The following BTBD16 variants were observed in gnomAD, a reference collection of about 807,000 sequenced individuals.
BTBD16 encodes the protein BTB domain containing 16, also known as BTB/POZ domain-containing protein 16.
BTBD16 carries 66 observed loss-of-function variants against 67.4 expected under a neutral mutation model. The ratio of observed to expected loss-of-function variants is 0.98; its 90% confidence interval spans 0.80 to 1.20. The LOEUF (loss-of-function observed/expected upper bound fraction) is 1.20. BTBD16 is among the 50% of genes most tolerant of loss of function. The probability of loss-of-function intolerance (pLI) is 0.00; values close to 1 mark genes in which losing one functional copy is unlikely to be tolerated. For synonymous variants in BTBD16, 242 were observed against 236.4 expected (o/e 1.02, Z -0.22); for missense variants, 634 against 616.0 (o/e 1.03, Z -0.31).
chr10:122,328,454 C>T (rs2096449169), intron 10 of BTBD16, among the ~76,000 whole-genome samples: 1 of 152,196 alleles, frequency 6.6e-6, no homozygotes, highest in Non-Finnish European at 1.5e-5. Context: ...CTTCTGGGAT[C>T]ACTGGCGTGG....
intron 15 of BTBD16, among the ~76,000 whole-genome samples, chr10:122,337,595 G>T (rs1174102228): frequency 6.6e-6 from 1 of 152,164 alleles, no homozygotes; most frequent in Non-Finnish European, 1.5e-5. Context: ...CTCCTGATTA[G>T]CTGGGACTAC....
At chr10:122,330,558 G>A (rs2096453490) in intron 11 of BTBD16, among the ~76,000 whole-genome samples, 1 of 152,136 alleles carries the variant, frequency 6.6e-6, no homozygotes, top group African/African-American at 2.4e-5. Flanking sequence ...CTTCTTGCAG[G>A]ATTGTTAAGA....
chr10:122,274,016 G>A (rs538790309), intron 1 of BTBD16, among the ~76,000 whole-genome samples: 110 of 152,346 alleles, frequency 7.2e-4, no homozygotes, highest in African/African-American at 2.5e-3. Flanking sequence ...ATGCTTGTTG[G>A]TGAATGGATG....
chr10:122,328,815 A>C, intron 10 of BTBD16: 3 of 985,408 alleles, frequency 3.0e-6, no homozygotes, highest in Non-Finnish European at 3.6e-6. Context: ...CTCAAAAAGA[A>C]CTGGATCTTC....
intron 6 of BTBD16, among the ~76,000 whole-genome samples, chr10:122,290,537 G>T (rs747394968): frequency 6.6e-6 from 1 of 152,160 alleles, no homozygotes; most frequent in Non-Finnish European, 1.5e-5. Context: ...TTCAGCACTC[G>T]TTGGGCCATT....
In BTBD16 at chr10:122,286,158, T is replaced by C. The variant is rs758116503; in HGVS notation, c.295T>C (p.Phe99Leu). The stretch of plus-strand genomic sequence containing the variant: ...ATGGGAGCTCCATCAGCCCCAGCTT[T>C]TTCAGTCTGAGACCTTGGCCAAGCT... Reference protein sequence around the residue: ...FKWELHQPQLFQSETLAKLYL... With the variant: ...FKWELHQPQLLQSETLAKLYL... Residue 99 changes from phenylalanine (F) to leucine (L), a missense_variant, in exon 5 of 16, where the codon TTT becomes CTT. By Grantham distance (22) the Phe-to-Leu change is conservative. Coordinates refer to ENST00000260723, the MANE Select transcript of BTBD16 (RefSeq NM_144587.5). 2.5e-6 allele frequency: 4 copies of C among 1,613,996 alleles called. No individual in the cohort carries two copies. The Admixed American group carries it at 6.7e-5, about 27-fold the overall frequency.
chr10:122,271,682 C>A (rs2096328935), intron 1 of BTBD16, among the ~76,000 whole-genome samples, 168 bp downstream of exon 1: 1 of 152,180 alleles, frequency 6.6e-6, no homozygotes, highest in African/African-American at 2.4e-5. Flanking sequence ...GCTGAGAGAC[C>A]ATTGTAGGTA....
intron 11 of BTBD16, 38 bp from the exon 12 acceptor site, chr10:122,331,138 A>C (rs1373980214): frequency 6.2e-7 from 1 of 1,601,578 alleles, no homozygotes; most frequent in Non-Finnish European, 8.5e-7. Flanking sequence ...TCTGGTGTGA[A>C]TAAAACTAAA....
intron 14 of BTBD16, among the ~76,000 whole-genome samples, chr10:122,335,388 G>A (rs531163463): frequency 2.0e-5 from 3 of 152,374 alleles, no homozygotes; most frequent in Admixed American, 6.5e-5. Context: ...AAAGCAGGCT[G>A]TGGGCAGGAC....
intron 3 of BTBD16, among the ~76,000 whole-genome samples, chr10:122,279,495 GAGAC>G (rs1005029337): frequency 1.9e-5 from 2 of 104,166 alleles, no homozygotes; most frequent in East Asian, 3.0e-4. Flanking sequence ...AAATAAAAAA[GAGAC>G]AGAGAAAGAG....
intron 5 of BTBD16, among the ~76,000 whole-genome samples, chr10:122,286,961 C>T (rs2096364993): frequency 6.6e-6 from 1 of 152,146 alleles, no homozygotes. Context: ...CCAAAGCCAG[C>T]CAGCATACCA....
chr10:122,308,709 C>T (rs923231566), intron 10 of BTBD16, among the ~76,000 whole-genome samples: 1 of 152,050 alleles, frequency 6.6e-6, no homozygotes, highest in Non-Finnish European at 1.5e-5. Context: ...CTCCCCTGCA[C>T]ACTGTCCAGG....
At position 122,335,092 on chromosome 10, in the gene BTBD16, ATGTAT is replaced by A. The variant is rs2096461480; in HGVS notation, c.1263+118_1263+122del. On this transcript the variant is annotated intron_variant, in intron 14 of 15. Transcript: ENST00000260723. Reference sequence around the variant, plus strand: ...ATCATTAATTACTCATTGACATGAAATGTATTGTAAGTGCTAACCACGCTCATGTA... The same window carrying A: ...ATCATTAATTACTCATTGACATGAAATGTAAGTGCTAACCACGCTCATGTA... 7 of 608,352 alleles carry A rather than the reference ATGTAT, an allele frequency of 1.2e-5. 1 individual carries two copies. The highest frequency in any genetic ancestry group is 7.3e-4 in the Middle Eastern group (2 of 2,748). The allele number at this position is 608,352 out of a possible 1,614,324, so 37.7% of individuals were successfully genotyped here.
chr10:122,333,595 T>G (rs2096458408), intron 13 of BTBD16, among the ~76,000 whole-genome samples: 2 of 152,078 alleles, frequency 1.3e-5, no homozygotes, highest in Admixed American at 1.3e-4. Context: ...AATGTTGGGG[T>G]GAGGCATGGT....
chr10:122,284,503 T>C (rs1017685362), intron 4 of BTBD16, among the ~76,000 whole-genome samples: 1 of 151,868 alleles, frequency 6.6e-6, no homozygotes, highest in African/African-American at 2.4e-5. Flanking sequence ...GCAGCAAGCA[T>C]AAAGCAGCTG....
intron 10 of BTBD16, 124 bp from the exon 11 acceptor site, chr10:122,329,356 G>A (rs978552983): frequency 9.7e-6 from 8 of 821,834 alleles, no homozygotes; most frequent in East Asian, 2.5e-5. Context: ...CAGAGGGACC[G>A]AGGCCCCATC....
intron 10 of BTBD16, among the ~76,000 whole-genome samples, chr10:122,323,701 C>T (rs2096439339): frequency 6.6e-6 from 1 of 152,154 alleles, no homozygotes; most frequent in African/African-American, 2.4e-5. Context: ...GTAAATTACT[C>T]ACTTTACTAA....
At chr10:122,275,514 C>T (rs1374597220) in intron 2 of BTBD16, among the ~76,000 whole-genome samples, 3 of 152,178 alleles carry the variant, frequency 2.0e-5, no homozygotes, top group Non-Finnish European at 4.4e-5. Context: ...TTACCGTCAC[C>T]ACCACCACCC....
intron 10 of BTBD16, 27 bp downstream of exon 10, chr10:122,307,335 A>G (rs1162302017): frequency 1.0e-5 from 16 of 1,568,686 alleles, no homozygotes; most frequent in Non-Finnish European, 1.4e-5. Context: ...TTGATTGATG[A>G]AATACACAAA....
Sources: allele counts gnomAD v4.1 joint callset (sites outside exome capture counted in the v4.1 genomes callset), GRCh38; gene constraint gnomAD v4.1.1; transcripts MANE v1.5; gene names NCBI Gene and HGNC (gene_info 2026-07-23, HGNC 2026-07-21).